CSMD1: variants seen among roughly 807,000 people sequenced by gnomAD.
CSMD1 encodes the protein CUB and Sushi multiple domains 1.
In CSMD1, 213 loss-of-function variants were observed where a neutral mutation model predicts 417.5. The observed-to-expected ratio is 0.51, with a 90% CI of 0.46 to 0.57. The LOEUF is 0.57. CSMD1 is among the 20% of genes least tolerant of loss of function. The pLI, the probability that CSMD1 is intolerant of heterozygous loss-of-function variation, is 0.00. For synonymous variants in CSMD1, 2,862 were observed against 1,736.8 expected, an observed-to-expected ratio of 1.65 and a Z score of -16.11; for missense variants, 6,923 against 4,529.7, an observed-to-expected ratio of 1.53 and a Z score of -15.17.
chr8:4,446,615 G>A (rs934631790), intron 2 of CSMD1, among the ~76,000 whole-genome samples: 21 of 152,100 alleles, frequency 1.4e-4, no homozygotes, highest in African/African-American at 1.9e-4. Flanking sequence ...GTGCAGCAGC[G>A]CGATCTCAGC....
chr8:3,337,276 G>C (rs1245274064), intron 23 of CSMD1, among the ~76,000 whole-genome samples: 2 of 152,188 alleles, frequency 1.3e-5, no homozygotes, highest in Non-Finnish European at 2.9e-5. Flanking sequence ...CAATTTGGAT[G>C]AAATAAATTG....
chr8:4,355,324 C>G (rs1249398264), intron 3 of CSMD1, among the ~76,000 whole-genome samples: 2 of 120,260 alleles, frequency 1.7e-5, no homozygotes, highest in African/African-American at 5.1e-5. Context: ...CACACACACA[C>G]GCACACACAC....
At chr8:3,926,714 C>CA (rs747682777) in intron 5 of CSMD1, among the ~76,000 whole-genome samples, 5 of 103,506 alleles carry the variant, frequency 4.8e-5, no homozygotes, top group South Asian at 6.8e-4. Flanking sequence ...AAATTGACAC[C>CA]TTTTTTTTTT....
intron 49 of CSMD1, among the ~76,000 whole-genome samples, chr8:3,060,541 G>T (rs1369882095): frequency 3.3e-5 from 5 of 152,160 alleles, no homozygotes; most frequent in Non-Finnish European, 7.3e-5. Flanking sequence ...ACTTGGCTAG[G>T]AAGTTAGACT....
At chr8:3,767,701 G>A (rs751649435) in intron 5 of CSMD1, among the ~76,000 whole-genome samples, 2 of 152,210 alleles carry the variant, frequency 1.3e-5, no homozygotes, top group South Asian at 2.1e-4. Flanking sequence ...ATATTATACA[G>A]TGTATGTCTA....
chr8:3,483,198 A>G (rs757902720), intron 11 of CSMD1, among the ~76,000 whole-genome samples: 5 of 152,146 alleles, frequency 3.3e-5, no homozygotes, highest in Non-Finnish European at 5.9e-5. Context: ...CAAAAATAAT[A>G]TAATTGATGA....
intron 6 of CSMD1, among the ~76,000 whole-genome samples, chr8:3,719,326 CCCCTGAAATG>C (rs1422121790): frequency 1.3e-5 from 2 of 152,108 alleles, no homozygotes; most frequent in African/African-American, 4.8e-5. Flanking sequence ...TCCAATCTCA[CCCCTGAAATG>C]TTCTGAAATC....
chr8:3,161,916 C>T (rs1354105672), intron 38 of CSMD1, among the ~76,000 whole-genome samples: 1 of 152,074 alleles, frequency 6.6e-6, no homozygotes, highest in Non-Finnish European at 1.5e-5. Context: ...ATTGGGAACG[C>T]ATATATTTTG....
At chr8:3,150,237 C>T (rs1819110141) in intron 40 of CSMD1, among the ~76,000 whole-genome samples, 1 of 152,180 alleles carries the variant, frequency 6.6e-6, no homozygotes, top group Non-Finnish European at 1.5e-5. Context: ...ATAATCCTTC[C>T]ACAGAGTCTC....
chr8:3,728,985 G>A (rs984275993), intron 6 of CSMD1, among the ~76,000 whole-genome samples: 1 of 152,190 alleles, frequency 6.6e-6, no homozygotes, highest in African/African-American at 2.4e-5. Flanking sequence ...TGAGGTGGTA[G>A]AGTGTGATGC....
intron 1 of CSMD1, among the ~76,000 whole-genome samples, chr8:4,944,004 G>C (rs937039459): frequency 2.0e-5 from 3 of 152,126 alleles, no homozygotes; most frequent in Non-Finnish European, 2.9e-5. Flanking sequence ...TATTTGAGTA[G>C]TAAAAAAGAC....
intron 2 of CSMD1, among the ~76,000 whole-genome samples, chr8:4,526,885 A>G (rs553045542): frequency 7.9e-5 from 12 of 152,176 alleles, no homozygotes; most frequent in Non-Finnish European, 1.8e-4. Flanking sequence ...ATGATTCCAG[A>G]AGACTATTGT....
At chr8:4,336,023 C>A (rs535300042) in intron 3 of CSMD1, among the ~76,000 whole-genome samples, 2 of 152,272 alleles carry the variant, frequency 1.3e-5, no homozygotes, top group Admixed American at 6.5e-5. Flanking sequence ...GGTACACTTA[C>A]TTCTAGATTT....
chr8:4,270,964 C>T (rs551881045), intron 3 of CSMD1, among the ~76,000 whole-genome samples: 3 of 152,262 alleles, frequency 2.0e-5, no homozygotes, highest in African/African-American at 7.2e-5. Context: ...TTTAAACTGT[C>T]ACCGCGTTCA....
In CSMD1 at chr8:4,320,370, T is replaced by C. The variant is rs560678209; in HGVS notation, c.415+99583A>G. 9.8e-4 allele frequency among the ~76,000 whole-genome samples: 149 copies of C among 152,268 alleles called. 1 individual carries two copies. Among genetic ancestry groups the C allele is most frequent in the Non-Finnish European group, 1.7e-3 (119 of 68,016 alleles). ...CACACAAATAAACCTTTTTTATTAT[T>C]ATTATACTTTAAGTTGTGAGGGTAC... On this transcript the variant is annotated intron_variant, in intron 3 of 69. Coordinates refer to ENST00000635120, the MANE Select transcript of CSMD1 (RefSeq NM_033225.6).
intron 22 of CSMD1, among the ~76,000 whole-genome samples, chr8:3,347,018 T>C (rs908768125): frequency 6.6e-6 from 1 of 152,134 alleles, no homozygotes; most frequent in Admixed American, 6.5e-5. Context: ...TGTGCCATGT[T>C]GAAAGAATTG....
At chr8:4,067,502 A>C (rs7000108) in intron 3 of CSMD1, among the ~76,000 whole-genome samples, 35,914 of 152,042 alleles carry the variant, frequency 0.24, 4,789 homozygotes, top group South Asian at 0.32. Flanking sequence ...TTAATTTCAA[A>C]ATTTTTAAAT....
intron 3 of CSMD1, among the ~76,000 whole-genome samples, chr8:4,095,142 G>C (rs1278328834): frequency 6.6e-6 from 1 of 152,124 alleles, no homozygotes; most frequent in African/African-American, 2.4e-5. Context: ...GAGGAAGAGA[G>C]GTAGGATGTG....
rs761161250 is a variant in CSMD1, at chr8:3,325,561, C to T, written c.3632-17058G>A. Among the ~76,000 whole-genome samples the T allele has an allele frequency of 5.3e-5, 8 of 152,304 alleles. No individual in the cohort carries two copies. In the East Asian group the frequency reaches 7.7e-4, roughly 15 times the overall value. On this transcript the variant is annotated intron_variant, in intron 23 of 69. Transcript: ENST00000635120. Reference sequence around the variant, plus strand: ...AAGGTCGCCTGGGCATGCTGGCTCACGCCTGTAATCCCAGCACTTTGGGAG... The same window carrying T: ...AAGGTCGCCTGGGCATGCTGGCTCATGCCTGTAATCCCAGCACTTTGGGAG...
Sources: allele counts gnomAD v4.1 joint callset (sites outside exome capture counted in the v4.1 genomes callset), GRCh38; gene constraint gnomAD v4.1.1; transcripts MANE v1.5; gene names NCBI Gene and HGNC (gene_info 2026-07-23, HGNC 2026-07-21).